The following SEPTIN11 variants were observed in gnomAD, a reference collection of about 807,000 sequenced individuals.
SEPTIN11 encodes septin-11.
SEPTIN11 carries 25 observed loss-of-function variants against 51.4 expected under a neutral mutation model. That is an observed-to-expected ratio of 0.49 (90% CI 0.35 to 0.68). SEPTIN11 has a LOEUF of 0.68. SEPTIN11 is among the 30% of genes least tolerant of loss of function. The pLI is 0.00. For missense variants in SEPTIN11, 381 were observed against 520.8 expected (o/e 0.73, Z 2.61); for synonymous variants, 174 against 184.1 (o/e 0.95, Z 0.44).
chr4:76,956,274 C>T (rs1721555529), intron 1 of SEPTIN11, among the ~76,000 whole-genome samples: 1 of 152,146 alleles, frequency 6.6e-6, no homozygotes, highest in Non-Finnish European at 1.5e-5. Context: ...AATTATCTCA[C>T]CTTATACTCA....
At chr4:76,961,371 G>A (rs1378161551) in intron 1 of SEPTIN11, among the ~76,000 whole-genome samples, 2 of 152,112 alleles carry the variant, frequency 1.3e-5, no homozygotes, top group East Asian at 3.9e-4. Context: ...ATGTCTTCAG[G>A]CTCACTGACA....
At chr4:76,951,321 G>A (rs6532730) in intron 1 of SEPTIN11, among the ~76,000 whole-genome samples, 4,947 of 152,298 alleles carry the variant, frequency 0.032, 241 homozygotes, top group African/African-American at 0.11. Flanking sequence ...ATCGAATCAT[G>A]ACTGTCTTTT....
chr4:76,961,386 A>C (rs1396804377), intron 1 of SEPTIN11, among the ~76,000 whole-genome samples: 1 of 152,180 alleles, frequency 6.6e-6, no homozygotes. Flanking sequence ...CTGACAGATT[A>C]ATTTGTGCCC....
chr4:77,030,133 A>G (rs956950034), intron 8 of SEPTIN11, among the ~76,000 whole-genome samples: 1 of 152,032 alleles, frequency 6.6e-6, no homozygotes, highest in Middle Eastern at 3.2e-3. Flanking sequence ...GCGCATGCCC[A>G]TAATCCCAGC....
At position 76,996,459 on chromosome 4, in the gene SEPTIN11, A is replaced by T. The variant is rs982583201; in HGVS notation, c.62A>T (p.His21Leu). The change falls in exon 2 of 10, where the codon CAT becomes CTT. Residue 21 changes from histidine (H) to leucine (L), a missense_variant. His to Leu is a moderately conservative substitution (Grantham distance 99). Transcript: ENST00000264893. ...CTTCGAAACTTGTCTTTGTCTGGCC[A>T]TGTGGGATTTGACAGCCTCCCTGAC... Reference protein sequence around the residue: ...EELRNLSLSGHVGFDSLPDQL... With the variant: ...EELRNLSLSGLVGFDSLPDQL... 6.2e-7 allele frequency: 1 copy of T among 1,614,042 alleles called. No homozygotes were observed. The highest frequency in any genetic ancestry group is 1.3e-5 in the African/African-American group (1 of 74,954).
chr4:76,953,269 T>A (rs897600050), intron 1 of SEPTIN11, among the ~76,000 whole-genome samples: 3 of 152,222 alleles, frequency 2.0e-5, no homozygotes, highest in Admixed American at 1.3e-4. Flanking sequence ...TGGACAAGTT[T>A]TCTTCTTACC....
intron 1 of SEPTIN11, among the ~76,000 whole-genome samples, chr4:76,979,013 A>G (rs1275559294): frequency 2.0e-5 from 3 of 152,136 alleles, no homozygotes; most frequent in East Asian, 3.9e-4. Flanking sequence ...CTGCTGCTCC[A>G]TGGCTGTTGT....
At position 77,034,956 on chromosome 4, in the gene SEPTIN11, C is replaced by G. The variant is rs1726931629; in HGVS notation, c.*444C>G. ...ATTCATCTCCATGAGTGCACAATCC[C>G]TGAACTCACTGTCTTTTCTCCACAC... On this transcript the variant is annotated 3_prime_UTR_variant, in exon 10 of 10. Coordinates refer to ENST00000264893, the MANE Select transcript of SEPTIN11 (RefSeq NM_018243.4). 1.0e-6 allele frequency: 1 copy of G among 987,266 alleles called. No homozygotes were observed. Among genetic ancestry groups the G allele is most frequent in the Non-Finnish European group, 1.2e-6 (1 of 830,924 alleles). The allele number at this position is 987,266 out of a possible 1,614,324, so 61.2% of individuals were successfully genotyped here.
At chr4:76,961,217 A>C (rs1321055273) in intron 1 of SEPTIN11, among the ~76,000 whole-genome samples, 1 of 152,118 alleles carries the variant, frequency 6.6e-6, no homozygotes, top group African/African-American at 2.4e-5. Flanking sequence ...TACCTTTTAT[A>C]ATGTAATTCG....
At chr4:77,025,123 A>G (rs935002601) in intron 7 of SEPTIN11, among the ~76,000 whole-genome samples, 20 of 152,252 alleles carry the variant, frequency 1.3e-4, no homozygotes, top group Non-Finnish European at 2.9e-4. Flanking sequence ...ATTATAAGAT[A>G]AAATCCTCAA....
chr4:77,009,511 ATGAT>A (rs2109953399), intron 3 of SEPTIN11, among the ~76,000 whole-genome samples: 2 of 152,336 alleles, frequency 1.3e-5, no homozygotes, highest in East Asian at 3.9e-4. Context: ...GGGAGACTGA[ATGAT>A]TGGCCAGGAC....
intron 3 of SEPTIN11, among the ~76,000 whole-genome samples, chr4:77,008,511 A>G (rs941356684): frequency 1.3e-5 from 2 of 152,252 alleles, no homozygotes; most frequent in African/African-American, 4.8e-5. Context: ...AGACAGCAAG[A>G]TAAGGGAAAA....
intron 8 of SEPTIN11, among the ~76,000 whole-genome samples, chr4:77,030,344 A>G (rs995849916): frequency 1.2e-4 from 19 of 152,198 alleles, no homozygotes; most frequent in Admixed American, 2.6e-4. Context: ...AAGTCAGCAA[A>G]ATGGTACTTT....
chr4:76,985,275 CTT>C (rs1047810468), intron 1 of SEPTIN11, among the ~76,000 whole-genome samples: 2 of 152,220 alleles, frequency 1.3e-5, no homozygotes, highest in African/African-American at 4.8e-5. Flanking sequence ...TTTACACAGA[CTT>C]TTAGAAAAAC....
chr4:77,007,341 C>T (rs945362564), intron 3 of SEPTIN11, among the ~76,000 whole-genome samples: 1 of 152,192 alleles, frequency 6.6e-6, no homozygotes, highest in Non-Finnish European at 1.5e-5. Context: ...CTTGCTTGTC[C>T]ATTCCTTGAT....
rs1191006431 is a variant in SEPTIN11, at chr4:76,959,433, CA to C, written c.27+9514del. 5.9e-3 allele frequency among the ~76,000 whole-genome samples: 855 copies of C among 145,718 alleles called. 7 individuals carry two copies. Among genetic ancestry groups the C allele is most frequent in the African/African-American group, 0.019 (753 of 40,006 alleles). On this transcript the variant is annotated intron_variant, in intron 1 of 9. Transcript: ENST00000264893. ...CATGGCCAGATTAAAAAAGTAGACT[CA>C]AAAAAAAAAATTTGTATCGCATCAC...
rs886970380 is a variant in SEPTIN11, at chr4:77,035,573, G to A, written c.*1061G>A. 1.5e-5 allele frequency: 15 copies of A among 985,260 alleles called. No homozygotes were observed. The highest frequency in any genetic ancestry group is 1.8e-5 in the Non-Finnish European group (15 of 829,930). The allele number at this position is 985,260 out of a possible 1,614,324, so 61.0% of individuals were successfully genotyped here. A position where few individuals can be genotyped will look rare whatever the true frequency, so the allele number is the denominator to read the frequency against. ...AATAGGAAGGACCACAACATGACCCGTAAGTCAAGAAGGTAGACATTTCAT... is the reference window on the plus strand; with the variant it reads ...AATAGGAAGGACCACAACATGACCCATAAGTCAAGAAGGTAGACATTTCAT... On this transcript the variant is annotated 3_prime_UTR_variant, in exon 10 of 10. Coordinates refer to ENST00000264893, the MANE Select transcript of SEPTIN11 (RefSeq NM_018243.4).
At chr4:76,974,584 G>C (rs1272530671) in intron 1 of SEPTIN11, 1 of 367,800 alleles carries the variant, frequency 2.7e-6, no homozygotes, top group African/African-American at 2.1e-5. Context: ...CCCAAGGACA[G>C]TAGAACTAAG....
chr4:76,982,878 T>C (rs924256557), intron 1 of SEPTIN11, among the ~76,000 whole-genome samples: 2 of 152,214 alleles, frequency 1.3e-5, no homozygotes, highest in African/African-American at 4.8e-5. Context: ...GGATCTAGTT[T>C]ACCATGCTTT....
Sources: allele counts gnomAD v4.1 joint callset (sites outside exome capture counted in the v4.1 genomes callset), GRCh38; gene constraint gnomAD v4.1.1; transcripts MANE v1.5; gene names NCBI Gene and HGNC (gene_info 2026-07-23, HGNC 2026-07-21).